The following CD1B variants were observed in gnomAD, a reference collection of about 807,000 sequenced individuals.
The protein encoded by CD1B is T-cell surface glycoprotein CD1b.
Under a neutral mutation model 39.8 loss-of-function variants are expected in CD1B, and 43 were observed. The ratio of observed to expected loss-of-function variants is 1.08; its 90% CI spans 0.85 to 1.39. The LOEUF is 1.39. Among genes scored for constraint, CD1B ranks in the 40% most tolerant of loss-of-function variants. CD1B has a pLI of 0.00. For synonymous variants in CD1B, 192 were observed against 152.5 expected, an observed-to-expected ratio of 1.26 and a Z score of -1.91; for missense variants, 495 against 403.8, an observed-to-expected ratio of 1.23 and a Z score of -1.94.
chr1:158,329,700 G>T (rs775775571), intron 3 of CD1B, 52 bp from the exon 4 acceptor site: 3 of 1,590,852 alleles, frequency 1.9e-6, no homozygotes, highest in Admixed American at 1.7e-5. Context: ...GAGTTCAGAG[G>T]TTATGAACTC....
At chr1:158,322,237 C>T in the CD1B span, among the ~76,000 whole-genome samples, 1 of 151,964 alleles carries the variant, frequency 6.6e-6, no homozygotes, top group Non-Finnish European at 1.5e-5. Flanking sequence ...TGTATTCCTA[C>T]ATTTATTCAT....
intron 2 of CD1B, among the ~76,000 whole-genome samples, 188 bp from the exon 3 acceptor site, chr1:158,330,318 T>A (rs1244645261): frequency 1.3e-5 from 2 of 152,104 alleles, no homozygotes; most frequent in Non-Finnish European, 2.9e-5. Context: ...GTGCATGCCA[T>A]GAAGACAAAG....
the CD1B span, among the ~76,000 whole-genome samples, chr1:158,304,141 G>T: frequency 6.6e-6 from 1 of 152,114 alleles, no homozygotes; most frequent in South Asian, 2.1e-4. Context: ...GCAGGATGAG[G>T]CATCGCCTCA....
the CD1B span, among the ~76,000 whole-genome samples, chr1:158,294,905 G>T: frequency 6.6e-5 from 10 of 152,152 alleles, no homozygotes; most frequent in Middle Eastern, 3.4e-3. Context: ...GGAGGAGGAG[G>T]TGGCTTCCCA....
the CD1B span, among the ~76,000 whole-genome samples, chr1:158,298,896 C>T: frequency 6.6e-6 from 1 of 152,144 alleles, no homozygotes; most frequent in African/African-American, 2.4e-5. Context: ...AGTTGCTTAT[C>T]AGTTTAAAGA....
chr1:158,289,992 C>A, the CD1B span: 1 of 1,382,976 alleles, frequency 7.2e-7, no homozygotes, highest in Non-Finnish European at 1.0e-6. Context: ...AATATAGGTA[C>A]AGAGGGATAA....
chr1:158,293,488 CT>C, the CD1B span: 7 of 1,614,174 alleles, frequency 4.3e-6, no homozygotes, highest in South Asian at 1.1e-5. Context: ...ACTCTTCCCC[CT>C]GACTCCCCCA....
chr1:158,330,724 G>T, intron 2 of CD1B, 72 bp downstream of exon 2: 2 of 1,443,476 alleles, frequency 1.4e-6, no homozygotes, highest in South Asian at 1.1e-5. Flanking sequence ...GCATCAGAGA[G>T]AGCAACACTT....
the CD1B span, among the ~76,000 whole-genome samples, chr1:158,304,378 C>A: frequency 6.6e-6 from 1 of 152,134 alleles, no homozygotes; most frequent in East Asian, 1.9e-4. Flanking sequence ...TGCAAGGCAG[C>A]AGAGAGGCTG....
downstream of CD1B, among the ~76,000 whole-genome samples, chr1:158,326,219 G>T (rs185677835): frequency 6.6e-6 from 1 of 152,008 alleles, no homozygotes; most frequent in African/African-American, 2.4e-5. Flanking sequence ...TGATCCGCCC[G>T]CCTCGGCCTC....
Position 158,328,122 on chromosome 1 carries a change from C to G in CD1B, c.*114G>C, listed in dbSNP as rs962756947. The G allele has an allele frequency of 7.2e-6, 6 of 834,512 alleles. No homozygotes were observed. The Admixed American group carries it at 1.4e-4, about 19-fold the overall frequency. The allele number at this position is 834,512 out of a possible 1,614,324, so 51.7% of individuals were successfully genotyped here. On this transcript the variant is annotated 3_prime_UTR_variant, in exon 6 of 6. Transcript: ENST00000368168. ...TAATTTATTTTAAAATACATGAAAA[C>G]TCTGATTTCATCAAATTTGAAAATC... is the stretch of plus-strand genomic sequence containing the variant.
At chr1:158,292,197 A>C in the CD1B span, 2 of 1,614,078 alleles carry the variant, frequency 1.2e-6, no homozygotes, top group Non-Finnish European at 1.7e-6. Context: ...CCAGAATACA[A>C]CATGGGTGCC....
At chr1:158,290,269 G>A in the CD1B span, 496 of 657,618 alleles carry the variant, frequency 7.5e-4, 3 homozygotes, top group African/African-American at 7.8e-3. Flanking sequence ...TTTGGAGGAT[G>A]GTGGCAGAGC....
chr1:158,316,881 T>C, the CD1B span, among the ~76,000 whole-genome samples: 1 of 151,996 alleles, frequency 6.6e-6, no homozygotes, highest in African/African-American at 2.4e-5. Context: ...TTGTTGAATT[T>C]TGTCAAAGGT....
At chr1:158,316,903 C>G in the CD1B span, among the ~76,000 whole-genome samples, 3 of 151,512 alleles carry the variant, frequency 2.0e-5, no homozygotes, top group Non-Finnish European at 4.4e-5. Flanking sequence ...TTTTCTGCAT[C>G]TATTGAGATA....
the CD1B span, among the ~76,000 whole-genome samples, chr1:158,301,903 C>T: frequency 1.3e-5 from 2 of 152,150 alleles, no homozygotes; most frequent in African/African-American, 4.8e-5. Context: ...TCCATTCTCC[C>T]TGTCACTTTC....
At chr1:158,322,327 C>T in the CD1B span, among the ~76,000 whole-genome samples, 1 of 152,138 alleles carries the variant, frequency 6.6e-6, no homozygotes, top group Non-Finnish European at 1.5e-5. Context: ...ACCTCTGCCT[C>T]CTAGGCTCAA....
the CD1B span, among the ~76,000 whole-genome samples, chr1:158,297,965 A>G: frequency 6.8e-6 from 1 of 147,202 alleles, no homozygotes; most frequent in Non-Finnish European, 1.5e-5. Context: ...AAAAAAAAAT[A>G]AACAAGACCC....
the CD1B span, among the ~76,000 whole-genome samples, chr1:158,309,161 A>C: frequency 7.6e-4 from 116 of 152,336 alleles, no homozygotes; most frequent in Non-Finnish European, 1.4e-3. Flanking sequence ...CCCATCAAAA[A>C]GTGGGCAAAG....
Sources: gnomAD v4.1 joint callset for allele counts (sites outside exome capture counted in the v4.1 genomes callset) on GRCh38, gnomAD v4.1.1 for gene constraint, MANE v1.5 for transcripts, NCBI Gene and HGNC (gene_info 2026-07-23, HGNC 2026-07-21) for gene names.